Variants in VAV2 observed in about 807,000 individuals in gnomAD.
VAV2 encodes vav guanine nucleotide exchange factor 2.
In VAV2, 67 loss-of-function variants were observed where a neutral mutation model predicts 132.5. The ratio of observed to expected loss-of-function variants is 0.51; its 90% confidence interval spans 0.42 to 0.62. VAV2 has a LOEUF of 0.62. VAV2 is among the 20% of genes least tolerant of loss of function. The probability of loss-of-function intolerance (pLI) is 0.00; values close to 1 mark genes in which losing one functional copy is unlikely to be tolerated. For synonymous variants in VAV2, 492 were observed against 443.5 expected (o/e 1.11, Z -1.37); for missense variants, 938 against 1,153.6 (o/e 0.81, Z 2.71).
At chr9:133,847,866 C>T (rs1461811447) in intron 3 of VAV2, among the ~76,000 whole-genome samples, 1 of 152,120 alleles carries the variant, frequency 6.6e-6, no homozygotes, top group Non-Finnish European at 1.5e-5. Context: ...CCAGAAGGGC[C>T]ACAGTGACAG....
intron 6 of VAV2, 149 bp from the exon 7 acceptor site, chr9:133,809,287 A>C: frequency 1.6e-6 from 1 of 624,814 alleles, no homozygotes; most frequent in Non-Finnish European, 2.8e-6. Flanking sequence ...CTGCAGCCAG[A>C]TGGGTGACAG....
intron 2 of VAV2, among the ~76,000 whole-genome samples, chr9:133,908,062 T>G (rs1302450200): frequency 2.7e-5 from 2 of 73,856 alleles, no homozygotes; most frequent in African/African-American, 5.5e-5. Context: ...CCACGCCCCC[T>G]ACCTTCTCTG....
Position 133,833,675 on chromosome 9 carries a change from C to T in VAV2, c.449+597G>A, listed in dbSNP as rs1046214677. Among the ~76,000 whole-genome samples, 3 of 152,270 alleles carry T rather than the reference C, an allele frequency of 2.0e-5. No homozygotes were observed. Among genetic ancestry groups the T allele is most frequent in the Admixed American group, 1.3e-4 (2 of 15,308 alleles). Reference sequence around the variant, plus strand: ...ATCCCACCCTGGTCACAGATTCCCACGGTCCCGATGGGGCCCTGGTGCTGT... The same window carrying T: ...ATCCCACCCTGGTCACAGATTCCCATGGTCCCGATGGGGCCCTGGTGCTGT... On this transcript the variant is annotated intron_variant, in intron 4 of 29. Coordinates refer to ENST00000371850, the MANE Select transcript of VAV2 (RefSeq NM_001134398.2). This position sits in a 1 kb window ranked among gnomAD's most constrained non-coding sequence, Gnocchi z 5.6.
At position 133,796,468 on chromosome 9, in the gene VAV2, G is replaced by T; in HGVS notation, c.993C>A (p.Val331=). 1 of 1,613,846 alleles carries T rather than the reference G, an allele frequency of 6.2e-7. No homozygotes were observed. The highest frequency in any genetic ancestry group is 8.5e-7 in the Non-Finnish European group (1 of 1,179,976). The part of the protein sequence containing the change: ...GKFKLQDLLV[V]PMQRVLKYHL... ...GGTATTTGAGCACCCTCTGCATGGGGACCACCAGCAGGTCTTGCAGCTTAA... is the reference window on the plus strand; with the variant it reads ...GGTATTTGAGCACCCTCTGCATGGGTACCACCAGCAGGTCTTGCAGCTTAA... The change falls in exon 11 of 30, where the codon GTC becomes GTA. Residue 331 remains valine (V), a synonymous_variant. Transcript: ENST00000371850.
chr9:133,846,676 GC>G (rs1170278624), intron 3 of VAV2, among the ~76,000 whole-genome samples: 1 of 152,184 alleles, frequency 6.6e-6, no homozygotes, highest in African/African-American at 2.4e-5. Context: ...CCAGGGCATG[GC>G]CTCCTCAGTG....
chr9:133,965,416 T>C (rs1842110921), intron 1 of VAV2, among the ~76,000 whole-genome samples: 1 of 151,654 alleles, frequency 6.6e-6, no homozygotes, highest in South Asian at 2.1e-4. Context: ...GGAGAATCAT[T>C]TGAACCCACG....
chr9:133,796,402 G>A (rs375663753), intron 11 of VAV2, 27 bp downstream of exon 11: 29 of 1,601,144 alleles, frequency 1.8e-5, no homozygotes, highest in African/African-American at 6.7e-5. Context: ...TGATGACCCC[G>A]CAGGCACCCG....
chr9:133,793,508 G>C (rs1037285844), intron 12 of VAV2, among the ~76,000 whole-genome samples: 9 of 152,224 alleles, frequency 5.9e-5, no homozygotes, highest in African/African-American at 2.2e-4. Flanking sequence ...TTTAAAATAA[G>C]GAATAAATTC....
rs1424340414 is a variant in VAV2 at position 133,928,578 on chromosome 9, G to A, written c.321+10525C>T. 1.3e-5 allele frequency among the ~76,000 whole-genome samples: 2 copies of A among 152,196 alleles called. No individual in the cohort carries two copies. Among genetic ancestry groups the A allele is most frequent in the African/African-American group, 4.8e-5 (2 of 41,430 alleles). ...ACCGACTGGCAGAAAGGCCTCGGGT[G>A]AGCACAGAGTCTTCTGCACTCAGCA... On this transcript the variant is annotated intron_variant, in intron 2 of 29. Transcript: ENST00000371850. The surrounding 1 kb of genome is among the most constrained non-coding windows in gnomAD (Gnocchi z 5.4).
chr9:133,905,430 T>C (rs1256512037), intron 2 of VAV2, among the ~76,000 whole-genome samples: 1 of 30,072 alleles, frequency 3.3e-5, no homozygotes, highest in African/African-American at 1.4e-4. Context: ...AGTGAAACTG[T>C]CTCAAAAAAA....
At chr9:133,861,576 G>A in intron 2 of VAV2, 144 bp from the exon 3 acceptor site, 1 of 864,422 alleles carries the variant, frequency 1.2e-6, no homozygotes. Context: ...ATAGCGTTTT[G>A]TAGGCTAGAC....
At chr9:133,792,631 T>C (rs986361397) in intron 12 of VAV2, among the ~76,000 whole-genome samples, 3 of 151,458 alleles carry the variant, frequency 2.0e-5, no homozygotes, top group African/African-American at 7.3e-5. Context: ...TGTGTGAGCG[T>C]GTGTGTGCAT....
intron 5 of VAV2, among the ~76,000 whole-genome samples, chr9:133,811,139 GGA>G (rs143841838): frequency 0.044 from 6,639 of 152,298 alleles, 180 homozygotes; most frequent in Middle Eastern, 0.071. Context: ...ATCCCTCGGG[GGA>G]GACCCCCCGG....
chr9:133,957,573 T>G (rs531194025), intron 1 of VAV2, among the ~76,000 whole-genome samples: 53 of 152,164 alleles, frequency 3.5e-4, no homozygotes, highest in African/African-American at 1.3e-3. Flanking sequence ...GCCAGGGACA[T>G]GCGGGCCTGG....
At chr9:133,782,606 G>C (rs1389043095) in intron 19 of VAV2, among the ~76,000 whole-genome samples, 1 of 152,118 alleles carries the variant, frequency 6.6e-6, no homozygotes, top group Admixed American at 6.5e-5. Flanking sequence ...GCGTCTCTGG[G>C]TGACAATCTC....
At chr9:133,783,877 GT>G (rs56069048) in intron 18 of VAV2, among the ~76,000 whole-genome samples, 6,988 of 85,030 alleles carry the variant, frequency 0.082, 167 homozygotes, top group African/African-American at 0.16. Context: ...TGGCTGGGCC[GT>G]TTTTTTTTTT....
chr9:133,976,574 A>G (rs1588208507), intron 1 of VAV2, among the ~76,000 whole-genome samples: 1 of 152,210 alleles, frequency 6.6e-6, no homozygotes, highest in Non-Finnish European at 1.5e-5. Flanking sequence ...AATGCCACAA[A>G]CCTTCCGCAC....
intron 23 of VAV2, among the ~76,000 whole-genome samples, chr9:133,776,472 G>A (rs1488383565): frequency 6.6e-6 from 1 of 152,154 alleles, no homozygotes; most frequent in Non-Finnish European, 1.5e-5. Context: ...TCAGGCAGGT[G>A]CTGCCGCTCC....
intron 4 of VAV2, among the ~76,000 whole-genome samples, chr9:133,813,035 C>T (rs896431038): frequency 1.3e-5 from 2 of 152,240 alleles, no homozygotes; most frequent in African/African-American, 4.8e-5. Context: ...TGATGCTCCA[C>T]ACCTGACCTG....
Sources: allele counts gnomAD v4.1 joint callset (sites outside exome capture counted in the v4.1 genomes callset), GRCh38; gene constraint gnomAD v4.1.1; non-coding constraint Gnocchi (gnomAD v3.1); transcripts MANE v1.5; gene names NCBI Gene and HGNC (gene_info 2026-07-23, HGNC 2026-07-21).